Variants in DEAF1 observed in about 807,000 individuals in gnomAD.
DEAF1 encodes deformed epidermal autoregulatory factor 1 homolog.
Under a neutral mutation model 58.9 loss-of-function variants are expected in DEAF1, and 53 were observed. That is an observed-to-expected ratio of 0.90 (90% CI 0.72 to 1.13). The LOEUF (loss-of-function observed/expected upper bound fraction) is 1.13. Ranked by LOEUF, DEAF1 falls within the 50% of genes most tolerant of loss-of-function variation. DEAF1 has a pLI of 0.00. For missense variants in DEAF1, 685 were observed against 791.4 expected (o/e 0.87, Z 1.61); for synonymous variants, 385 against 340.4 (o/e 1.13, Z -1.44).
chr11:703,879 C>T, intron 1 of DEAF1: 1 of 1,239,296 alleles, frequency 8.1e-7, no homozygotes, highest in Non-Finnish European at 1.0e-6. Context: ...CATTCGGAGC[C>T]TCCGTCCACT....
chr11:699,844 T>C (rs1861362684), upstream of DEAF1: 3 of 345,384 alleles, frequency 8.7e-6, no homozygotes, highest in Non-Finnish European at 1.6e-5. Context: ...TGCCAGTGTG[T>C]GGAGGCTGTC....
In DEAF1 at chr11:675,952, G is replaced by A. The variant is rs532042979; in HGVS notation, c.1256-1169C>T. 3.0e-4 allele frequency among the ~76,000 whole-genome samples: 9 copies of A among 30,294 alleles called. 1 individual carries two copies. Among genetic ancestry groups the A allele is most frequent in the African/African-American group, 4.6e-4 (3 of 6,586 alleles). 19.9% of individuals were successfully genotyped at this position (30,294 alleles called of 152,430 possible). ...CCCAGCACCTGACATCCCCCAGCAC[G>A]CAGCCTGACATCCCCCGGCACCCGA... On this transcript the variant is annotated intron_variant, in intron 9 of 11. Transcript: ENST00000382409.
At chr11:650,629 G>A (rs1858722303) in intron 11 of DEAF1, among the ~76,000 whole-genome samples, 1 of 151,722 alleles carries the variant, frequency 6.6e-6, no homozygotes, top group Non-Finnish European at 1.5e-5. Context: ...ACTGGTGTGG[G>A]CCACTGCACC....
intron 6 of DEAF1, among the ~76,000 whole-genome samples, chr11:682,058 G>C (rs1860399906): frequency 1.3e-5 from 2 of 152,238 alleles, no homozygotes; most frequent in Admixed American, 6.5e-5. Context: ...CAGGTACGGA[G>C]CTGGACTATC....
intron 11 of DEAF1, among the ~76,000 whole-genome samples, chr11:645,893 A>G (rs1490484817): frequency 2.6e-5 from 4 of 152,200 alleles, no homozygotes; most frequent in Non-Finnish European, 4.4e-5. Context: ...CAGAGCAGAA[A>G]TAAATGCTTC....
chr11:659,942 C>G (rs1859244244), intron 10 of DEAF1, among the ~76,000 whole-genome samples: 1 of 152,116 alleles, frequency 6.6e-6, no homozygotes, highest in East Asian at 1.9e-4. Context: ...ATACAAAGTC[C>G]CCAACACAGG....
chr11:688,491 G>A lies in DEAF1; in HGVS notation c.388-31C>T, dbSNP rs773844092. ...AGGAAAAACCGCTCCGTCAGGTCAC[G>A]TCCGAGAGTGACACCAGGCGTGTCA... On this transcript the variant is annotated intron_variant, in intron 2 of 11. Coordinates refer to ENST00000382409, the MANE Select transcript of DEAF1 (RefSeq NM_021008.4). The surrounding 1 kb of genome is among the most constrained non-coding windows in gnomAD (Gnocchi z 4.3). 5.6e-6 allele frequency: 9 copies of A among 1,612,548 alleles called. No individual in the cohort carries two copies. The highest frequency in any genetic ancestry group is 5.9e-6 in the Non-Finnish European group (7 of 1,179,964).
intron 1 of DEAF1, among the ~76,000 whole-genome samples, chr11:701,976 A>T (rs879856774): frequency 5.9e-5 from 9 of 152,018 alleles, no homozygotes; most frequent in Non-Finnish European, 1.2e-4. Context: ...ACCTAAACAC[A>T]CGTGTTTGTG....
intron 8 of DEAF1, 113 bp from the exon 9 acceptor site, chr11:678,935 C>A: frequency 7.1e-7 from 1 of 1,405,088 alleles, no homozygotes; most frequent in Middle Eastern, 2.5e-4. Context: ...TATGGCCACA[C>A]GTGGCTACTG....
At chr11:700,185 C>T (rs530418788), upstream of DEAF1, 54 of 1,614,184 alleles carry the variant, frequency 3.3e-5, no homozygotes, top group East Asian at 4.5e-5. Context: ...CTCAGCGGAA[C>T]GTACTACGCC....
In DEAF1 at chr11:654,156, T is replaced by C. The variant is rs1171500800; in HGVS notation, c.1504-105A>G. On this transcript the variant is annotated intron_variant, in intron 10 of 11. Transcript: ENST00000382409. ...GGCAGGAGGCCCCAAGTTCCCCCCA[T>C]TGGACCCCCTTTTTTTTTTTTTTTT... 20 of 712,974 alleles carry C rather than the reference T, an allele frequency of 2.8e-5. No homozygotes were observed. In the Admixed American group the frequency reaches 3.8e-4, roughly 14 times the overall value. The allele number at this position is 712,974 out of a possible 1,614,324, so 44.2% of individuals were successfully genotyped here.
intron 1 of DEAF1, chr11:704,442 T>C: frequency 3.1e-6 from 4 of 1,288,422 alleles, no homozygotes; most frequent in Non-Finnish European, 4.0e-6. Flanking sequence ...TGGCCCCCAG[T>C]GGCCACGGTG....
chr11:690,083 T>C (rs1005381535), intron 2 of DEAF1, among the ~76,000 whole-genome samples: 7 of 146,324 alleles, frequency 4.8e-5, no homozygotes, highest in Admixed American at 4.7e-4. Flanking sequence ...TCCCAGCACA[T>C]TGGGAGGCCG....
intron 1 of DEAF1, chr11:706,305 C>CG (rs1861710071): frequency 1.3e-5 from 2 of 152,094 alleles, no homozygotes; most frequent in Admixed American, 1.3e-4. Flanking sequence ...GCTGCGGACA[C>CG]GGGGGAGCGC....
At chr11:667,432 A>AAAGGAAGG (rs148182090) in intron 10 of DEAF1, among the ~76,000 whole-genome samples, 7 of 97,472 alleles carry the variant, frequency 7.2e-5, no homozygotes, top group African/African-American at 3.0e-4. Context: ...GGAAAAGAGG[A>AAAGGAAGG]AAGGAAGGAA....
intron 1 of DEAF1, chr11:693,729 C>G (rs755768737): frequency 1.3e-5 from 2 of 152,288 alleles, no homozygotes; most frequent in African/African-American, 4.8e-5. Context: ...GCACCAGCCC[C>G]GTAGGGCATC....
rs761315612 is a variant in DEAF1, at chr11:688,099, G to C, written c.518-42C>G. The C allele has an allele frequency of 6.2e-7, 1 of 1,612,186 alleles. No individual in the cohort carries two copies. The highest frequency in any genetic ancestry group is 1.1e-5 in the South Asian group (1 of 90,860). Reference sequence around the variant, plus strand: ...GTTTGAAGGTGAGAGGCCGGACACCGGGAAGCATAGTACACTCTCATCTCA... The same window carrying C: ...GTTTGAAGGTGAGAGGCCGGACACCCGGAAGCATAGTACACTCTCATCTCA... On this transcript the variant is annotated intron_variant, in intron 3 of 11. Transcript: ENST00000382409. The surrounding 1 kb of genome is among the most constrained non-coding windows in gnomAD (Gnocchi z 4.3).
In DEAF1 at chr11:694,924, G is replaced by T; in HGVS notation, c.124C>A (p.Leu42Met). 7.4e-7 allele frequency: 1 copy of T among 1,350,570 alleles called. No individual in the cohort carries two copies. The highest frequency in any genetic ancestry group is 9.6e-7 in the Non-Finnish European group (1 of 1,046,788). 83.7% of individuals were successfully genotyped at this position (1,350,570 alleles called of 1,614,324 possible). The part of the protein sequence containing the change: ...AAGGEAEEPV[L>M]SRDEDSEEDA... ...TCCTCCGAGTCCTCGTCCCTGCTCA[G>T]CACCGGCTCCTCCGCCTCGCCTCCT... Residue 42 changes from leucine (L) to methionine (M), a missense_variant, in exon 1 of 12, where the codon CTG becomes ATG. Coordinates refer to ENST00000382409, the MANE Select transcript of DEAF1 (RefSeq NM_021008.4).
Position 644,642 on chromosome 11 carries a change from G to C in DEAF1, c.1606C>G (p.His536Asp). ...TFCQRKDWKD[H>D]QHICGQSAAV... ...GCTGACTGGCCGCATATGTGCTGGT[G>C]ATCCTTCCAGTCCTGGAAGGGAGGA... Residue 536 changes from histidine (H) to aspartate (D), a missense_variant, in exon 12 of 12, where the codon CAC becomes GAC. Transcript: ENST00000382409. The surrounding 1 kb of genome is among the most constrained non-coding windows in gnomAD (Gnocchi z 4.3). The C allele has an allele frequency of 2.5e-6, 4 of 1,610,700 alleles. No homozygotes were observed. Among genetic ancestry groups the C allele is most frequent in the Non-Finnish European group, 3.4e-6 (4 of 1,179,298 alleles).
Sources: allele counts gnomAD v4.1 joint callset (sites outside exome capture counted in the v4.1 genomes callset), GRCh38; gene constraint gnomAD v4.1.1; non-coding constraint Gnocchi (gnomAD v3.1); transcripts MANE v1.5; gene names NCBI Gene and HGNC (gene_info 2026-07-23, HGNC 2026-07-21).